The following SDC2 variants were observed in gnomAD, a reference collection of about 807,000 sequenced individuals.
SDC2 encodes the protein syndecan 2.
Under a neutral mutation model 22.2 loss-of-function variants are expected in SDC2, and 13 were observed. That is an observed-to-expected ratio of 0.59 (90% confidence interval 0.38 to 0.93). The LOEUF is 0.93. SDC2 is among the 40% of genes least tolerant of loss of function. The pLI is 0.00. For missense variants in SDC2, 235 were observed against 246.8 expected (o/e 0.95, Z 0.32); for synonymous variants, 94 against 92.8 (o/e 1.01, Z -0.07).
chr8:96,529,134 A>G (rs1434977702), intron 1 of SDC2: 1 of 152,204 alleles, frequency 6.6e-6, no homozygotes, highest in Non-Finnish European at 1.5e-5. Flanking sequence ...GGAAAATAGT[A>G]CCACAAATCA....
At chr8:96,605,389 C>T (rs908186686) in intron 3 of SDC2, among the ~76,000 whole-genome samples, 25 of 152,142 alleles carry the variant, frequency 1.6e-4, no homozygotes, top group African/African-American at 5.3e-4. Context: ...TAGACTAGAA[C>T]CCAGATAATC....
At chr8:96,514,079 G>A (rs1325011980) in intron 1 of SDC2, among the ~76,000 whole-genome samples, 1 of 152,202 alleles carries the variant, frequency 6.6e-6, no homozygotes, top group Non-Finnish European at 1.5e-5. Flanking sequence ...ATAGTTGAAG[G>A]AGTCTGGCAT....
intron 1 of SDC2, among the ~76,000 whole-genome samples, chr8:96,551,513 A>C (rs990065403): frequency 6.6e-6 from 1 of 152,166 alleles, no homozygotes; most frequent in Non-Finnish European, 1.5e-5. Context: ...ACAGGCGAAG[A>C]AACCGGAGAC....
chr8:96,504,699 T>C (rs1010164358), intron 1 of SDC2, among the ~76,000 whole-genome samples: 3 of 152,244 alleles, frequency 2.0e-5, no homozygotes, highest in Non-Finnish European at 2.9e-5. Flanking sequence ...TATAAATATA[T>C]ACGCATATGT....
chr8:96,494,245 G>GCTGGGAGCAGCCGGTCC lies in SDC2; in HGVS notation c.-21_-5dup. The stretch of plus-strand genomic sequence containing the variant: ...CGTTTTGCCCTGGTTGCAAGCAGCG[G>GCTGGGAGCAGCCGGTCC]CTGGGAGCAGCCGGTCCCTGGGGAA... On this transcript the variant is annotated 5_prime_UTR_variant, in exon 1 of 5. Transcript: ENST00000302190. 6.5e-7 allele frequency: 1 copy of GCTGGGAGCAGCCGGTCC among 1,541,390 alleles called. No individual in the cohort carries two copies. The highest frequency in any genetic ancestry group is 8.7e-7 in the Non-Finnish European group (1 of 1,146,838).
At chr8:96,526,328 G>A (rs904366901) in intron 1 of SDC2, among the ~76,000 whole-genome samples, 1 of 151,992 alleles carries the variant, frequency 6.6e-6, no homozygotes, top group Non-Finnish European at 1.5e-5. Flanking sequence ...TAGGAAAAAG[G>A]ACCAAGCTGA....
intron 1 of SDC2, among the ~76,000 whole-genome samples, chr8:96,577,180 G>A (rs1268465190): frequency 1.3e-5 from 2 of 152,166 alleles, no homozygotes; most frequent in Non-Finnish European, 2.9e-5. Context: ...CTGTAAATGG[G>A]CTACTTATAA....
intron 1 of SDC2, chr8:96,538,922 C>T (rs1240759828): frequency 6.6e-6 from 1 of 152,236 alleles, no homozygotes; most frequent in Non-Finnish European, 1.5e-5. Flanking sequence ...TGGTTTTGGT[C>T]ATCCCTATGA....
At position 96,590,339 on chromosome 8, in the gene SDC2, G is replaced by T. The variant is rs116062108; in HGVS notation, c.61-3141G>T. On this transcript the variant is annotated intron_variant, in intron 1 of 4. Transcript: ENST00000302190. ...CAGCTCTGGACTTGTGCTTCTGCAC[G>T]TTTCCTTCCAGTTGCTTTCGTCCAG... is the stretch of plus-strand genomic sequence containing the variant. Among the ~76,000 whole-genome samples the T allele has an allele frequency of 5.0e-3, 763 of 152,314 alleles. 5 individuals carry two copies. The highest frequency in any genetic ancestry group is 0.018 in the African/African-American group (734 of 41,564).
At chr8:96,495,841 G>C (rs1813066259) in intron 1 of SDC2, among the ~76,000 whole-genome samples, 1 of 152,168 alleles carries the variant, frequency 6.6e-6, no homozygotes. Context: ...CAGACTACAT[G>C]AGTATTTTGG....
Position 96,611,145 on chromosome 8 carries a change from G to A in SDC2, c.*1597G>A, listed in dbSNP as rs1371566246. On this transcript the variant is annotated 3_prime_UTR_variant, in exon 5 of 5. Coordinates refer to ENST00000302190, the MANE Select transcript of SDC2 (RefSeq NM_002998.4). ...GAAGGAGGGTAGGCAGGGAGGCTCT[G>A]TGTGTTAAAATGAGGGTCTCACTGC... is the stretch of plus-strand genomic sequence containing the variant. The A allele has an allele frequency of 1.3e-5, 2 of 152,620 alleles. No homozygotes were observed. Among genetic ancestry groups the A allele is most frequent in the Non-Finnish European group, 2.9e-5 (2 of 68,058 alleles). 9.5% of individuals were successfully genotyped at this position (152,620 alleles called of 1,614,324 possible). A position where few individuals can be genotyped will look rare whatever the true frequency, so the allele number is the denominator to read the frequency against.
intron 1 of SDC2, among the ~76,000 whole-genome samples, chr8:96,565,755 A>G (rs1814289816): frequency 6.6e-6 from 1 of 152,144 alleles, no homozygotes; most frequent in Non-Finnish European, 1.5e-5. Context: ...GGCTGGGTAG[A>G]TAACTGCAAT....
intron 1 of SDC2, among the ~76,000 whole-genome samples, chr8:96,555,924 A>G (rs1028589831): frequency 2.6e-5 from 4 of 152,132 alleles, no homozygotes; most frequent in Admixed American, 6.5e-5. Flanking sequence ...AGAATAGGCT[A>G]TTTCCAGCCT....
intron 1 of SDC2, among the ~76,000 whole-genome samples, chr8:96,522,303 CTATT>C (rs1198182796): frequency 1.3e-5 from 2 of 151,584 alleles, no homozygotes; most frequent in Non-Finnish European, 2.9e-5. Context: ...ATGCCTGTGT[CTATT>C]TATTGTTGGA....
intron 1 of SDC2, among the ~76,000 whole-genome samples, chr8:96,562,491 G>C (rs996936031): frequency 1.3e-5 from 2 of 152,146 alleles, no homozygotes. Context: ...GGTAGCTCTG[G>C]GGGGCTTCTG....
chr8:96,576,411 A>T (rs1437091979), intron 1 of SDC2, among the ~76,000 whole-genome samples: 221 of 15,454 alleles, frequency 0.014, no homozygotes, highest in Non-Finnish European at 0.025. Context: ...TTGCTTTATT[A>T]TTCTCTTTTT....
intron 1 of SDC2, among the ~76,000 whole-genome samples, chr8:96,534,494 A>T (rs764172327): frequency 4.6e-5 from 7 of 152,098 alleles, no homozygotes; most frequent in African/African-American, 7.2e-5. Context: ...GAGTACAGTG[A>T]TGCGATGATA....
intron 2 of SDC2, among the ~76,000 whole-genome samples, chr8:96,601,466 C>G (rs1312187496): frequency 6.6e-6 from 1 of 151,614 alleles, no homozygotes; most frequent in South Asian, 2.1e-4. Context: ...ATGGTGAAAC[C>G]CCATCTCTAC....
At chr8:96,524,289 AC>A (rs1273516914) in intron 1 of SDC2, among the ~76,000 whole-genome samples, 1 of 152,166 alleles carries the variant, frequency 6.6e-6, no homozygotes, top group Non-Finnish European at 1.5e-5. Context: ...CTTAACGTGC[AC>A]ATACATCACT....
Sources: gnomAD v4.1 joint callset for allele counts (sites outside exome capture counted in the v4.1 genomes callset) on GRCh38, gnomAD v4.1.1 for gene constraint, MANE v1.5 for transcripts, NCBI Gene and HGNC (gene_info 2026-07-23, HGNC 2026-07-21) for gene names.